Variants in NCOR2 observed in about 807,000 individuals in gnomAD.
NCOR2 encodes CTG repeat protein 26.
Under a neutral mutation model 262.9 loss-of-function variants are expected in NCOR2, and 81 were observed. The observed-to-expected ratio is 0.31, with a 90% CI of 0.26 to 0.37. NCOR2 has a LOEUF of 0.37. Among genes scored for constraint, NCOR2 ranks in the 10% least tolerant of loss-of-function variants. The pLI is 1.00. For synonymous variants in NCOR2, 1,659 were observed against 1,559.3 expected (o/e 1.06, Z -1.51); for missense variants, 3,385 against 3,621.4 (o/e 0.93, Z 1.68).
At chr12:124,333,778 G>A (rs1437953899) in intron 41 of NCOR2, among the ~76,000 whole-genome samples, 1 of 152,098 alleles carries the variant, frequency 6.6e-6, no homozygotes, top group Non-Finnish European at 1.5e-5. Flanking sequence ...GGGCGGGGGT[G>A]GGAGTGGGAG....
chr12:124,372,590 C>G, exon 20 of NCOR2: 12 of 1,598,032 alleles, frequency 7.5e-6, no homozygotes, highest in Non-Finnish European at 1.0e-5. Context: ...CTCTCGGTGT[C>G]TGAGCTGTTG....
intron 37 of NCOR2, among the ~76,000 whole-genome samples, chr12:124,339,490 CACCCAGCTA>C (rs1479623302): frequency 2.0e-5 from 3 of 149,404 alleles, no homozygotes; most frequent in Non-Finnish European, 4.5e-5. Flanking sequence ...CCCATCCATC[CACCCAGCTA>C]ACCCAGCTAT....
At position 124,503,322 on chromosome 12, in the gene NCOR2, AG is replaced by A. The variant is rs1410158183; in HGVS notation, c.-117-7955del. The stretch of plus-strand genomic sequence containing the variant: ...TGGCAGACTCCCCACCCAGGTGCTC[AG>A]CAGGGGGTGGCTGGATGGAGGGAGA... On this transcript the variant is annotated intron_variant, in intron 1 of 46. Transcript: ENST00000404621. The surrounding 1 kb of genome is among the most constrained non-coding windows in gnomAD (Gnocchi z 4.3). Among the ~76,000 whole-genome samples, 5 of 152,222 alleles carry A rather than the reference AG, an allele frequency of 3.3e-5. No individual in the cohort carries two copies. The highest frequency in any genetic ancestry group is 6.5e-5 in the Admixed American group (1 of 15,274).
intron 46 of NCOR2, 71 bp downstream of exon 48, chr12:124,326,120 T>C (rs1231762239): frequency 3.1e-5 from 43 of 1,387,754 alleles, no homozygotes; most frequent in Non-Finnish European, 3.8e-5. Context: ...CAGCATTCAG[T>C]GCCCCGGCAG....
intron 1 of NCOR2, among the ~76,000 whole-genome samples, chr12:124,520,087 T>C (rs1008868768): frequency 1.7e-4 from 26 of 152,178 alleles, no homozygotes; most frequent in African/African-American, 6.3e-4. Flanking sequence ...ATGAGCATAG[T>C]GGCTGCGGAG....
chr12:124,495,219 C>T lies in NCOR2; in HGVS notation c.33G>A (p.Thr11=), dbSNP rs369322766. ...GGTAGCGGGGCTCAGTGGCCCTCCA[C>T]GTCTGTGCCACAGGCTGTGTGGATC... Residue 11 remains threonine (T), a synonymous_variant, in exon 1 of 47, where the codon ACG becomes ACA. Transcript: ENST00000405201. This position sits in a 1 kb window ranked among gnomAD's most constrained non-coding sequence, Gnocchi z 4.4. The T allele has an allele frequency of 1.9e-6, 3 of 1,613,720 alleles. No homozygotes were observed. Among genetic ancestry groups the T allele is most frequent in the African/African-American group, 1.3e-5 (1 of 75,012 alleles).
intron 12 of NCOR2, among the ~76,000 whole-genome samples, chr12:124,420,426 A>G (rs1159304571): frequency 1.3e-5 from 2 of 152,182 alleles, no homozygotes; most frequent in Non-Finnish European, 2.9e-5. Context: ...CAAGGACTCC[A>G]GCCCACAGCC....
chr12:124,410,174 A>C (rs1239626372), intron 13 of NCOR2, among the ~76,000 whole-genome samples: 1 of 148,110 alleles, frequency 6.8e-6, no homozygotes, highest in Non-Finnish European at 1.5e-5. Flanking sequence ...GCCCAGCTTG[A>C]GATGTCCCCC....
At chr12:124,424,627 T>C (rs1186780212) in intron 11 of NCOR2, among the ~76,000 whole-genome samples, 2 of 152,198 alleles carry the variant, frequency 1.3e-5, no homozygotes, top group Non-Finnish European at 2.9e-5. Context: ...CTGAGTTCGG[T>C]ATCTGCACTT....
In NCOR2 at chr12:124,481,177, T is replaced by G. The variant is rs553564917; in HGVS notation, c.411+2419A>C. Among the ~76,000 whole-genome samples, 1 of 141,664 alleles carries G rather than the reference T, an allele frequency of 7.1e-6. No individual in the cohort carries two copies. The highest frequency in any genetic ancestry group is 1.5e-5 in the Non-Finnish European group (1 of 64,726). 92.9% of individuals were successfully genotyped at this position (141,664 alleles called of 152,430 possible). ...AGGGAGGAAGAAGGAGGGAGGAAGG[T>G]GTAGAAGGAGAGAAGGAAGGGGAGG... On this transcript the variant is annotated intron_variant, in intron 3 of 46. Transcript: ENST00000405201. The surrounding 1 kb of genome is among the most constrained non-coding windows in gnomAD (Gnocchi z 4.6).
intron 17 of NCOR2, among the ~76,000 whole-genome samples, chr12:124,383,803 C>A (rs1470109875): frequency 1.3e-5 from 2 of 152,212 alleles, no homozygotes; most frequent in Non-Finnish European, 2.9e-5. Flanking sequence ...ACAGGGGTGC[C>A]CAAATCCACA....
At chr12:124,344,555 A>T in intron 32 of NCOR2, 42 bp downstream of exon 34, 1 of 1,410,298 alleles carries the variant, frequency 7.1e-7, no homozygotes, top group Non-Finnish European at 9.3e-7. Flanking sequence ...GCTTCTCCAG[A>T]CAGGCGCCCA....
chr12:124,347,819 C>G lies in NCOR2; in HGVS notation c.4072+6G>C, dbSNP rs1417331440. ...GGCAACGAGGGAGCAGGGAACAGGG[C>G]AGTACCTTGTGTGATGGACCCGCGG... On this transcript the variant is annotated splice_donor_region_variant and intron_variant, in intron 30 of 46. Coordinates refer to ENST00000405201, the Ensembl canonical transcript of NCOR2. The G allele has an allele frequency of 3.2e-6, 5 of 1,559,716 alleles. No individual in the cohort carries two copies. The highest frequency in any genetic ancestry group is 4.3e-6 in the Non-Finnish European group (5 of 1,151,226).
In NCOR2 at chr12:124,454,222, T is replaced by G. The variant is rs940986068; in HGVS notation, c.762+2884A>C. ...GCCCGGCACAAGGCACTCCTCTCAC[T>G]GAGCCTCATCCAGAAAATGGGACGG... On this transcript the variant is annotated intron_variant, in intron 6 of 46. Coordinates refer to ENST00000405201, the Ensembl canonical transcript of NCOR2. The surrounding 1 kb of genome is among the most constrained non-coding windows in gnomAD (Gnocchi z 5.6). 2.6e-5 allele frequency among the ~76,000 whole-genome samples: 4 copies of G among 152,156 alleles called. No homozygotes were observed. Among genetic ancestry groups the G allele is most frequent in the Non-Finnish European group, 4.4e-5 (3 of 68,024 alleles).
rs756398058 is a variant in NCOR2 at position 124,385,735 on chromosome 12, G to T, written c.2019+10C>A. On this transcript the variant is annotated intron_variant, in intron 17 of 46. Coordinates refer to ENST00000405201, the Ensembl canonical transcript of NCOR2. ...CCCAGAGGCGCGGTGCAGCGTGACT[G>T]GGGGCTCACCATCTTCAGCTTGTGC... 3 of 1,612,872 alleles carry T rather than the reference G, an allele frequency of 1.9e-6. No homozygotes were observed. The highest frequency in any genetic ancestry group is 2.2e-5 in the South Asian group (2 of 90,960).
chr12:124,456,872 G>A (rs376035514), intron 6 of NCOR2, among the ~76,000 whole-genome samples: 27 of 152,300 alleles, frequency 1.8e-4, no homozygotes, highest in African/African-American at 6.0e-4. Context: ...AGGTGGCCCC[G>A]GAGGCGCTCG....
intron 7 of NCOR2, among the ~76,000 whole-genome samples, chr12:124,439,794 A>G (rs2044709612): frequency 2.0e-5 from 3 of 151,930 alleles, no homozygotes; most frequent in Admixed American, 6.6e-5. Flanking sequence ...GGGGACAGAG[A>G]CTCAGAGGAA....
chr12:124,390,478 A>ACCCCCCCCCCCCCCCCCCCCC (rs34149760), intron 16 of NCOR2, among the ~76,000 whole-genome samples: 1 of 121,110 alleles, frequency 8.3e-6, no homozygotes, highest in African/African-American at 3.1e-5. Context: ...CTCCAAAGTG[A>ACCCCCCCCCCCCCCCCCCCCC]CCCCCCCCCG....
At chr12:124,468,309 A>ATCC (rs2046610973) in intron 4 of NCOR2, among the ~76,000 whole-genome samples, 1 of 19,494 alleles carries the variant, frequency 5.1e-5, no homozygotes, top group Non-Finnish European at 1.3e-4. Context: ...CATCACCCTC[A>ATCC]TCATCCTCAT....
Sources: allele counts gnomAD v4.1 joint callset (sites outside exome capture counted in the v4.1 genomes callset), GRCh38; gene constraint gnomAD v4.1.1; non-coding constraint Gnocchi (gnomAD v3.1); transcripts MANE v1.5; gene names NCBI Gene and HGNC (gene_info 2026-07-23, HGNC 2026-07-21).